Variants in KLHDC10 observed in about 807,000 individuals in gnomAD.
KLHDC10 encodes the protein kelch domain-containing protein 10.
Under a neutral mutation model 56.1 loss-of-function variants are expected in KLHDC10, and 24 were observed. The observed-to-expected ratio is 0.43, with a 90% CI of 0.31 to 0.60. The LOEUF is 0.60. Among genes scored for constraint, KLHDC10 ranks in the 20% least tolerant of loss-of-function variants. The probability of loss-of-function intolerance (pLI) is 0.11; values close to 1 mark genes in which losing one functional copy is unlikely to be tolerated. For missense variants in KLHDC10, 349 were observed against 567.0 expected (o/e 0.62, Z 3.91); for synonymous variants, 188 against 207.1 (o/e 0.91, Z 0.79).
chr7:130,120,682 T>C lies in KLHDC10; in HGVS notation c.476-67T>C. On this transcript the variant is annotated intron_variant, in intron 3 of 9. Coordinates refer to ENST00000335420, the MANE Select transcript of KLHDC10 (RefSeq NM_014997.4). The surrounding 1 kb of genome is among the most constrained non-coding windows in gnomAD (Gnocchi z 5.1). ...GATATGTGTAGCTTCTCAGATATTCTGGGTTTATGTGGGAACAAATTGCAG... is the reference window on the plus strand; with the variant it reads ...GATATGTGTAGCTTCTCAGATATTCCGGGTTTATGTGGGAACAAATTGCAG... 1.3e-6 allele frequency: 2 copies of C among 1,541,978 alleles called. No homozygotes were observed. The highest frequency in any genetic ancestry group is 1.8e-6 in the Non-Finnish European group (2 of 1,122,656).
chr7:130,107,194 A>G (rs989863492), intron 2 of KLHDC10, among the ~76,000 whole-genome samples: 6 of 152,234 alleles, frequency 3.9e-5, no homozygotes, highest in African/African-American at 1.4e-4. Flanking sequence ...AAACGAGACA[A>G]AGATGTCCAC....
At position 130,130,176 on chromosome 7, in the gene KLHDC10, C is replaced by T. The variant is rs138122364; in HGVS notation, c.1120-361C>T. ...ACTAAAAATACAAAAAAAAATTAGC[C>T]GGACGTGGTGGCGCGTGCCTGTATT... On this transcript the variant is annotated intron_variant, in intron 9 of 9. Coordinates refer to ENST00000335420, the MANE Select transcript of KLHDC10 (RefSeq NM_014997.4). This position sits in a 1 kb window ranked among gnomAD's most constrained non-coding sequence, Gnocchi z 4.2. 0.11 allele frequency among the ~76,000 whole-genome samples: 17,352 copies of T among 151,722 alleles called. 1,276 individuals are homozygous for T. The highest frequency in any genetic ancestry group is 0.16 in the Non-Finnish European group (11,020 of 67,892).
chr7:130,104,469 A>G (rs1584629962), intron 2 of KLHDC10, among the ~76,000 whole-genome samples: 1 of 152,244 alleles, frequency 6.6e-6, no homozygotes, highest in African/African-American at 2.4e-5. Flanking sequence ...TACTGCAAGC[A>G]TATATAACAT....
In KLHDC10 at chr7:130,120,291, A is replaced by G. The variant is rs1796231392; in HGVS notation, c.476-458A>G. Among the ~76,000 whole-genome samples, 1 of 152,226 alleles carries G rather than the reference A, an allele frequency of 6.6e-6. No individual in the cohort carries two copies. The highest frequency in any genetic ancestry group is 1.5e-5 in the Non-Finnish European group (1 of 68,034). On this transcript the variant is annotated intron_variant, in intron 3 of 9. Transcript: ENST00000335420. This position sits in a 1 kb window ranked among gnomAD's most constrained non-coding sequence, Gnocchi z 5.1. ...ATACACAGTATTTAGTGAATTCCAT[A>G]AATATGTATTGAATACGTCATATAT...
chr7:130,074,830 C>T (rs1358153942), intron 1 of KLHDC10, among the ~76,000 whole-genome samples: 3 of 152,002 alleles, frequency 2.0e-5, no homozygotes, highest in Non-Finnish European at 4.4e-5. Context: ...AGGCTGGTCT[C>T]GAACTCCTGA....
intron 1 of KLHDC10, among the ~76,000 whole-genome samples, chr7:130,083,985 C>G (rs1795646688): frequency 6.6e-6 from 1 of 152,182 alleles, no homozygotes. Context: ...TGTCCCCACC[C>G]TTCTCTTTTC....
At chr7:130,093,955 AC>A (rs1333168282) in intron 1 of KLHDC10, among the ~76,000 whole-genome samples, 1 of 151,966 alleles carries the variant, frequency 6.6e-6, no homozygotes, top group Non-Finnish European at 1.5e-5. Context: ...ACAGAGTCTC[AC>A]TCTGTCGCCC....
intron 8 of KLHDC10, among the ~76,000 whole-genome samples, chr7:130,128,890 ATATATATATATATATAT>A (rs1340995548): frequency 2.9e-4 from 13 of 45,008 alleles, no homozygotes; most frequent in Non-Finnish European, 4.3e-4. Flanking sequence ...AAAAAAAAAA[ATATATATATATATATAT>A]ATATATATAT....
At position 130,116,708 on chromosome 7, in the gene KLHDC10, C is replaced by T. The variant is rs760161639; in HGVS notation, c.475+42C>T. The T allele has an allele frequency of 1.3e-6, 2 of 1,486,408 alleles. No individual in the cohort carries two copies. The highest frequency in any genetic ancestry group is 2.3e-5 in the South Asian group (2 of 88,392). 92.1% of individuals were successfully genotyped at this position (1,486,408 alleles called of 1,614,324 possible). A position where few individuals can be genotyped will look rare whatever the true frequency, so the allele number is the denominator to read the frequency against. ...CGTAACTCCTGACTTTATGAAATGTCTGAGAAGCCAGGTTCAATGTCCCAT... is the reference window on the plus strand; with the variant it reads ...CGTAACTCCTGACTTTATGAAATGTTTGAGAAGCCAGGTTCAATGTCCCAT... On this transcript the variant is annotated intron_variant, in intron 3 of 9. Transcript: ENST00000335420. The surrounding 1 kb of genome is among the most constrained non-coding windows in gnomAD (Gnocchi z 4.8).
At chr7:130,085,679 A>G (rs1795678280) in intron 1 of KLHDC10, among the ~76,000 whole-genome samples, 1 of 147,156 alleles carries the variant, frequency 6.8e-6, no homozygotes, top group African/African-American at 2.5e-5. Flanking sequence ...TACTAAAAAT[A>G]CAAAAAACGC....
chr7:130,128,889 A>AAAAAATATATATATATATATATAT, intron 8 of KLHDC10, among the ~76,000 whole-genome samples: 3 of 66,954 alleles, frequency 4.5e-5, no homozygotes, highest in Non-Finnish European at 8.3e-5. Flanking sequence ...AAAAAAAAAA[A>AAAAAATATATATATATATATATAT]ATATATATAT....
At position 130,120,735 on chromosome 7, in the gene KLHDC10, T is replaced by C; in HGVS notation, c.476-14T>C. 2.5e-6 allele frequency: 4 copies of C among 1,613,332 alleles called. No individual in the cohort carries two copies. Among genetic ancestry groups the C allele is most frequent in the Non-Finnish European group, 3.4e-6 (4 of 1,179,630 alleles). On this transcript the variant is annotated splice_polypyrimidine_tract_variant and intron_variant, in intron 3 of 9. Transcript: ENST00000335420. The surrounding 1 kb of genome is among the most constrained non-coding windows in gnomAD (Gnocchi z 5.1). ...AGCCATTTGTGAACAGAACTTGTGCTTCTCCTTCCTCAGTTGTGCTGCATG... is the reference window on the plus strand; with the variant it reads ...AGCCATTTGTGAACAGAACTTGTGCCTCTCCTTCCTCAGTTGTGCTGCATG...
chr7:130,084,315 A>G (rs1437761858), intron 1 of KLHDC10, among the ~76,000 whole-genome samples: 2 of 152,236 alleles, frequency 1.3e-5, no homozygotes, highest in African/African-American at 4.8e-5. Flanking sequence ...ACACAGATGC[A>G]TGGAGGTCAT....
intron 5 of KLHDC10, among the ~76,000 whole-genome samples, chr7:130,123,016 T>TATGTATGG (rs1554467483): frequency 2.7e-5 from 4 of 149,050 alleles, no homozygotes; most frequent in African/African-American, 7.4e-5. Context: ...TAGATGGATG[T>TATGTATGG]ATGGATGGAT....
rs572512295 is a variant in KLHDC10 at position 130,124,666 on chromosome 7, G to A, written c.864+131G>A. ...CACATTCCTCATTAACACCTATTTT[G>A]TGTTGGATGCACTTTATAAGGTCGA... On this transcript the variant is annotated intron_variant, in intron 6 of 9. Coordinates refer to ENST00000335420, the MANE Select transcript of KLHDC10 (RefSeq NM_014997.4). 3.4e-4 allele frequency: 196 copies of A among 569,634 alleles called. 1 individual carries two copies. The South Asian group carries it at 4.8e-3, about 14-fold the overall frequency. 35.3% of individuals were successfully genotyped at this position (569,634 alleles called of 1,614,324 possible).
chr7:130,121,513 C>T (rs760766704), intron 4 of KLHDC10, among the ~76,000 whole-genome samples: 2 of 152,192 alleles, frequency 1.3e-5, no homozygotes, highest in Non-Finnish European at 2.9e-5. Flanking sequence ...AGCTTCTGAG[C>T]TTAACTTCAA....
At chr7:130,102,779 T>G (rs1434829926) in intron 2 of KLHDC10, among the ~76,000 whole-genome samples, 2 of 152,058 alleles carry the variant, frequency 1.3e-5, no homozygotes, top group African/African-American at 4.8e-5. Context: ...TGAGATGAGA[T>G]CGCGCCATTG....
intron 8 of KLHDC10, among the ~76,000 whole-genome samples, chr7:130,128,889 A>AAAAATATATATATATATAT: frequency 1.2e-4 from 8 of 66,952 alleles, no homozygotes; most frequent in African/African-American, 2.9e-4. Flanking sequence ...AAAAAAAAAA[A>AAAAATATATATATATATAT]ATATATATAT....
At position 130,116,252 on chromosome 7, in the gene KLHDC10, C is replaced by A. The variant is rs2116901728; in HGVS notation, c.254-193C>A. Among the ~76,000 whole-genome samples, 1 of 152,242 alleles carries A rather than the reference C, an allele frequency of 6.6e-6. No individual in the cohort carries two copies. The highest frequency in any genetic ancestry group is 2.1e-4 in the South Asian group (1 of 4,820). On this transcript the variant is annotated intron_variant, in intron 2 of 9. Transcript: ENST00000335420. This position sits in a 1 kb window ranked among gnomAD's most constrained non-coding sequence, Gnocchi z 4.8. ...GAAGTAGAGACTAGCTCCTTAAAATCTTAAGTAGTATATGTGCATAAGAAG... is the reference window on the plus strand; with the variant it reads ...GAAGTAGAGACTAGCTCCTTAAAATATTAAGTAGTATATGTGCATAAGAAG...
Sources: gnomAD v4.1 joint callset for allele counts (sites outside exome capture counted in the v4.1 genomes callset) on GRCh38, gnomAD v4.1.1 for gene constraint, Gnocchi (gnomAD v3.1) non-coding constraint, MANE v1.5 for transcripts, NCBI Gene and HGNC (gene_info 2026-07-23, HGNC 2026-07-21) for gene names.